The following FHOD3 variants were observed in gnomAD, a reference collection of about 807,000 sequenced individuals.
FHOD3 encodes the protein formin homology 2 domain containing 3.
Under a neutral mutation model 173.0 loss-of-function variants are expected in FHOD3, and 90 were observed. That is an observed-to-expected ratio of 0.52 (90% CI 0.44 to 0.62). FHOD3 has a LOEUF of 0.62. Among genes scored for constraint, FHOD3 ranks in the 20% least tolerant of loss-of-function variants. The pLI, the probability that FHOD3 is intolerant of heterozygous loss-of-function variation, is 0.00. For missense variants in FHOD3, 1,945 were observed against 2,034.7 expected, an observed-to-expected ratio of 0.96 and a Z score of 0.85; for synonymous variants, 828 against 823.0, an observed-to-expected ratio of 1.01 and a Z score of -0.10.
chr18:36,313,650 A>C (rs1455714417), intron 1 of FHOD3, among the ~76,000 whole-genome samples: 2 of 152,184 alleles, frequency 1.3e-5, no homozygotes, highest in African/African-American at 4.8e-5. Flanking sequence ...TGGATATCCC[A>C]CAGTTTGTTC....
In FHOD3 at chr18:36,718,677, C is replaced by T; in HGVS notation, c.3379C>T (p.Leu1127=). ...IKVDTSRLEH[L]FESKSKELSV... ...GGTGGACACTTCCAGACTGGAGCAC[C>T]TGTTTGAGTCTAAATCCAAGGAACT... The change falls in exon 19 of 29, where the codon CTG becomes TTG. Residue 1127 remains leucine, a synonymous_variant. Transcript: ENST00000590592. 2.5e-6 allele frequency: 4 copies of T among 1,614,056 alleles called. No homozygotes were observed. The highest frequency in any genetic ancestry group is 3.4e-6 in the Non-Finnish European group (4 of 1,179,974).
chr18:36,678,589 GT>G (rs2038029719), intron 14 of FHOD3, among the ~76,000 whole-genome samples: 1 of 146,356 alleles, frequency 6.8e-6, no homozygotes, highest in Non-Finnish European at 1.5e-5. Context: ...ACTTACTCTA[GT>G]TTTTAAAATT....
intron 3 of FHOD3, among the ~76,000 whole-genome samples, chr18:36,431,554 C>T (rs982930459): frequency 6.6e-6 from 1 of 152,230 alleles, no homozygotes; most frequent in Non-Finnish European, 1.5e-5. Context: ...TATGAGCAGC[C>T]TTGATGGCTG....
At chr18:36,603,039 G>A (rs569408380) in intron 8 of FHOD3, among the ~76,000 whole-genome samples, 1 of 148,116 alleles carries the variant, frequency 6.8e-6, no homozygotes, top group South Asian at 2.1e-4. Context: ...GAACGCCACA[G>A]ATTGTTGGCT....
intron 19 of FHOD3, among the ~76,000 whole-genome samples, chr18:36,719,383 T>TCCC (rs1290554360): frequency 6.6e-6 from 1 of 151,372 alleles, no homozygotes; most frequent in African/African-American, 2.4e-5. Context: ...TACATAAAGT[T>TCCC]ATTGGGCACC....
At chr18:36,579,513 A>C (rs918840954) in intron 6 of FHOD3, among the ~76,000 whole-genome samples, 37 of 152,108 alleles carry the variant, frequency 2.4e-4, no homozygotes, top group South Asian at 2.1e-4. Flanking sequence ...TGCCTCCCTA[A>C]ATTTTTGTGG....
At chr18:36,463,227 T>G (rs4267399) in intron 3 of FHOD3, among the ~76,000 whole-genome samples, 22,396 of 150,912 alleles carry the variant, frequency 0.15, 3,790 homozygotes, top group African/African-American at 0.41. Flanking sequence ...TCTCTGTTCA[T>G]TTAGAATTGA....
At chr18:36,692,556 T>C (rs933280965) in intron 16 of FHOD3, among the ~76,000 whole-genome samples, 22 of 152,190 alleles carry the variant, frequency 1.4e-4, no homozygotes, top group African/African-American at 5.3e-4. Flanking sequence ...AAAACAGATG[T>C]ATCTTTGTTC....
rs76244902 is a variant in FHOD3 at position 36,366,045 on chromosome 18, A to G, written c.273-6635A>G. Among the ~76,000 whole-genome samples, 1,079 of 152,274 alleles carry G rather than the reference A, an allele frequency of 7.1e-3. 11 individuals carry two copies. The highest frequency in any genetic ancestry group is 0.025 in the African/African-American group (1,040 of 41,542). ...GTGTCTCGGACTCCTCACACCTTCC[A>G]GTTAAAGTAGATGACTCATTCCTCA... On this transcript the variant is annotated intron_variant, in intron 2 of 28. Coordinates refer to ENST00000590592, the MANE Select transcript of FHOD3 (RefSeq NM_001281740.3).
intron 10 of FHOD3, among the ~76,000 whole-genome samples, chr18:36,628,515 T>G (rs1165931191): frequency 1.3e-5 from 2 of 152,244 alleles, no homozygotes; most frequent in Admixed American, 1.3e-4. Flanking sequence ...GCTTTAATTC[T>G]AATAAAGACT....
chr18:36,587,513 C>G (rs555979105), intron 6 of FHOD3, among the ~76,000 whole-genome samples: 1 of 152,298 alleles, frequency 6.6e-6, no homozygotes, highest in South Asian at 2.1e-4. Context: ...AAATGCCAGC[C>G]AGGCGCGGTG....
intron 3 of FHOD3, among the ~76,000 whole-genome samples, chr18:36,422,617 T>C (rs1189391687): frequency 1.3e-5 from 2 of 152,170 alleles, no homozygotes; most frequent in African/African-American, 4.8e-5. Context: ...TTGCAGCCGA[T>C]CAATGTGAAT....
intron 26 of FHOD3, among the ~76,000 whole-genome samples, chr18:36,759,363 T>G (rs188094824): frequency 1.7e-3 from 260 of 152,290 alleles, no homozygotes; most frequent in Middle Eastern, 3.4e-3. Flanking sequence ...TTTTCCGAGC[T>G]GTCCCTGAGG....
Position 36,760,614 on chromosome 18 carries a change from A to AAGTTCTCCGGC in FHOD3, c.4468_4478dup (p.Pro1494ValfsTer12). ...CTTCCCCTTGGTTTTGCAGTCTGGC[A>AAGTTCTCCGGC]AGTTCTCCGGCAGTTCTCCGGCGCC... On this transcript the variant is annotated frameshift_variant, in exon 27 of 29. Transcript: ENST00000590592. LOFTEE classifies it high-confidence loss of function. 1 of 1,575,164 alleles carries AAGTTCTCCGGC rather than the reference A, an allele frequency of 6.3e-7. No homozygotes were observed. Among genetic ancestry groups the AAGTTCTCCGGC allele is most frequent in the Non-Finnish European group, 8.6e-7 (1 of 1,157,092 alleles).
intron 3 of FHOD3, among the ~76,000 whole-genome samples, chr18:36,373,831 C>G (rs1413468996): frequency 6.6e-6 from 1 of 152,118 alleles, no homozygotes; most frequent in Non-Finnish European, 1.5e-5. Flanking sequence ...TAAATCGTGG[C>G]TTTTTTATTA....
intron 13 of FHOD3, among the ~76,000 whole-genome samples, chr18:36,653,673 C>T (rs1242072374): frequency 6.6e-6 from 1 of 152,098 alleles, no homozygotes; most frequent in Non-Finnish European, 1.5e-5. Flanking sequence ...TGTATTAATG[C>T]CTTTCCCTGT....
intron 27 of FHOD3, among the ~76,000 whole-genome samples, chr18:36,763,248 C>A (rs1001110585): frequency 6.9e-6 from 1 of 145,848 alleles, no homozygotes; most frequent in Non-Finnish European, 1.5e-5. Flanking sequence ...GTATTATACA[C>A]GTTATATACA....
intron 5 of FHOD3, among the ~76,000 whole-genome samples, chr18:36,569,688 C>T (rs60903444): frequency 0.013 from 1,996 of 152,144 alleles, 48 homozygotes; most frequent in African/African-American, 0.045. Flanking sequence ...TCATGGGTCA[C>T]AAAATAAACC....
At chr18:36,779,356 G>A (rs1240072600) in intron 28 of FHOD3, 92 bp from the exon 29 acceptor site, 6 of 1,124,850 alleles carry the variant, frequency 5.3e-6, no homozygotes, top group Non-Finnish European at 8.0e-6. Context: ...CTGGGGAGAA[G>A]GGGGGACTGG....
Sources: gnomAD v4.1 joint callset for allele counts (sites outside exome capture counted in the v4.1 genomes callset) on GRCh38, gnomAD v4.1.1 for gene constraint, MANE v1.5 for transcripts, NCBI Gene and HGNC (gene_info 2026-07-23, HGNC 2026-07-21) for gene names.